Variants in DYNC2I2 observed in about 807,000 individuals in gnomAD.
The protein encoded by DYNC2I2 is cytoplasmic dynein 2 intermediate chain 2.
In DYNC2I2, 39 loss-of-function variants were observed where a neutral mutation model predicts 52.0. That is an observed-to-expected ratio of 0.75 (90% CI 0.58 to 0.98). DYNC2I2 has a LOEUF of 0.98. Ranked by LOEUF, DYNC2I2 falls within the 50% of genes least tolerant of loss-of-function variation. The pLI is 0.00. For synonymous variants in DYNC2I2, 359 were observed against 321.1 expected (o/e 1.12, Z -1.26); for missense variants, 743 against 728.4 (o/e 1.02, Z -0.23).
At chr9:128,642,243 T>C (rs1274610661) in intron 1 of DYNC2I2, among the ~76,000 whole-genome samples, 7 of 140,254 alleles carry the variant, frequency 5.0e-5, no homozygotes, top group Admixed American at 3.1e-4. Context: ...GCCAAGATCG[T>C]GCCACTACAC....
the DYNC2I2 span, among the ~76,000 whole-genome samples, chr9:128,680,991 T>C: frequency 6.6e-6 from 1 of 151,954 alleles, no homozygotes; most frequent in African/African-American, 2.4e-5. Context: ...TTGTACTTTA[T>C]ACAAAAGAAA....
chr9:128,635,170 G>C lies in DYNC2I2; in HGVS notation c.903C>G (p.Ile301Met), dbSNP rs369977994. 3.1e-5 allele frequency: 50 copies of C among 1,613,376 alleles called. No homozygotes were observed. The highest frequency in any genetic ancestry group is 4.2e-5 in the Non-Finnish European group (50 of 1,180,004). The part of the protein sequence containing the change: ...TDGKVLLWQG[I>M]GVGQLQLTEG... ...CTGTGAGCTGCAGCTGGCCTACCCC[G>C]ATGCCCTGCCAGAGTAGCACCTTCC... Residue 301 changes from isoleucine (I) to methionine (M), a missense_variant, in exon 6 of 9, where the codon ATC (isoleucine) becomes ATG (methionine). Physicochemically the swap from Ile to Met is conservative, Grantham distance 10. Coordinates refer to ENST00000372715, the MANE Select transcript of DYNC2I2 (RefSeq NM_052844.4).
the DYNC2I2 span, among the ~76,000 whole-genome samples, chr9:128,681,480 A>G: frequency 6.6e-6 from 1 of 152,076 alleles, no homozygotes; most frequent in South Asian, 2.1e-4. Context: ...CATTGTTTCC[A>G]GTTTGTCTAT....
chr9:128,646,802 G>A (rs1415083851), intron 1 of DYNC2I2, among the ~76,000 whole-genome samples: 1 of 152,068 alleles, frequency 6.6e-6, no homozygotes, highest in Non-Finnish European at 1.5e-5. Context: ...AGGCAACATG[G>A]GGAAACCCAG....
chr9:128,672,752 G>C, the DYNC2I2 span, among the ~76,000 whole-genome samples: 1 of 152,204 alleles, frequency 6.6e-6, no homozygotes, highest in Non-Finnish European at 1.5e-5. Context: ...TATTGGCCGG[G>C]CGCGGTGGCT....
upstream of DYNC2I2, among the ~76,000 whole-genome samples, chr9:128,656,950 G>GT (rs1860842438): frequency 6.6e-6 from 1 of 152,240 alleles, no homozygotes; most frequent in Non-Finnish European, 1.5e-5. Context: ...CACTCTAAGA[G>GT]TAGGCGCGCT....
rs1456915078 is a variant in DYNC2I2 at position 128,635,773 on chromosome 9, G to A, written c.704-6C>T. ...CTCACCACTGTACAGCCCTCCTGCA[G>A]GGACAGTGGACCTGGGCAGAGGCTC... is the stretch of plus-strand genomic sequence containing the variant. On this transcript the variant is annotated splice_polypyrimidine_tract_variant and splice_region_variant and intron_variant, in intron 4 of 8. Coordinates refer to ENST00000372715, the MANE Select transcript of DYNC2I2 (RefSeq NM_052844.4). The A allele has an allele frequency of 6.2e-7, 1 of 1,608,380 alleles. No individual in the cohort carries two copies. Among genetic ancestry groups the A allele is most frequent in the East Asian group, 2.2e-5 (1 of 44,702 alleles).
In DYNC2I2 at chr9:128,640,747, A is replaced by G; in HGVS notation, c.379T>C (p.Trp127Arg). The change falls in exon 2 of 9, where the codon TGG becomes CGG. Residue 127 changes from tryptophan to arginine, a missense_variant. Transcript: ENST00000372715. ...AAGCCATCAAACGCGTGGCTCTGCC[A>G]ATTCTTGTTCAGCTCTCGGATGACC... ...AMVIRELNKN[W>R]QSHAFDGFEV... 2 of 1,614,154 alleles carry G rather than the reference A, an allele frequency of 1.2e-6. No individual in the cohort carries two copies. The highest frequency in any genetic ancestry group is 1.7e-6 in the Non-Finnish European group (2 of 1,180,018).
the DYNC2I2 span, among the ~76,000 whole-genome samples, chr9:128,671,323 A>G: frequency 6.9e-6 from 1 of 144,532 alleles, no homozygotes; most frequent in South Asian, 2.3e-4. Context: ...TTTTTTTGAG[A>G]TGGAGTCTTG....
rs1404451188 is a variant in DYNC2I2, at chr9:128,655,607, C to CA, written c.186+933dup. On this transcript the variant is annotated intron_variant, in intron 1 of 8. Transcript: ENST00000372715. ...TGGGCGACAGAGTGAGACTCTGTCTCAAAAAAAAGAAAAAAAAGAAGGCCG... is the reference window on the plus strand; with the variant it reads ...TGGGCGACAGAGTGAGACTCTGTCTCAAAAAAAAAGAAAAAAAAGAAGGCCG... Among the ~76,000 whole-genome samples the CA allele has an allele frequency of 7.1e-4, 86 of 120,612 alleles. 2 individuals carry two copies. Among genetic ancestry groups the CA allele is most frequent in the African/African-American group, 2.4e-3 (74 of 31,206 alleles). 79.1% of individuals were successfully genotyped at this position (120,612 alleles called of 152,430 possible).
chr9:128,635,457 CG>C (rs1860381162), intron 5 of DYNC2I2, 198 bp from the exon 6 acceptor site: 1 of 801,794 alleles, frequency 1.2e-6, no homozygotes, highest in Non-Finnish European at 1.9e-6. Context: ...GCTGCTCACT[CG>C]GTGCCTGCAG....
the DYNC2I2 span, among the ~76,000 whole-genome samples, chr9:128,680,438 C>T: frequency 3.3e-5 from 5 of 151,746 alleles, no homozygotes; most frequent in East Asian, 3.9e-4. Context: ...AGTGCAGTGG[C>T]GCGATCTCGG....
At chr9:128,648,551 C>T (rs1055160693) in intron 1 of DYNC2I2, among the ~76,000 whole-genome samples, 182 of 149,346 alleles carry the variant, frequency 1.2e-3, no homozygotes, top group African/African-American at 4.2e-3. Flanking sequence ...TTTGGGAGGC[C>T]GAGGCAGGCA....
intron 7 of DYNC2I2, 150 bp downstream of exon 7, chr9:128,634,539 G>A (rs1467778952): frequency 3.1e-6 from 4 of 1,274,320 alleles, no homozygotes; most frequent in African/African-American, 3.0e-5. Flanking sequence ...AAGGGACGAT[G>A]CCTGGGCCAA....
At chr9:128,653,658 G>C (rs1306639846) in intron 1 of DYNC2I2, among the ~76,000 whole-genome samples, 1 of 151,100 alleles carries the variant, frequency 6.6e-6, no homozygotes, top group African/African-American at 2.5e-5. Flanking sequence ...GGAAGTTGCA[G>C]TGAGCTGAGA....
chr9:128,634,045 G>A, intron 8 of DYNC2I2, 63 bp from the exon 9 acceptor site: 4 of 1,585,344 alleles, frequency 2.5e-6, no homozygotes, highest in East Asian at 2.2e-5. Context: ...ATGGCAGGAG[G>A]AGGCTAATGC....
At chr9:128,677,093 C>A in the DYNC2I2 span, among the ~76,000 whole-genome samples, 1 of 151,982 alleles carries the variant, frequency 6.6e-6, no homozygotes, top group Admixed American at 6.6e-5. Flanking sequence ...CGTGATCCAC[C>A]TGCCTCAGCC....
chr9:128,635,975 C>A lies in DYNC2I2; in HGVS notation c.704-208G>T, dbSNP rs114620319. ...AGCTTTGCCGGACACCCCTGCCCTG[C>A]ACCTGGCAGCTCCCTCCAGCGTTGC... On this transcript the variant is annotated intron_variant, in intron 4 of 8. Transcript: ENST00000372715. The A allele has an allele frequency of 9.0e-6, 6 of 669,300 alleles. No individual in the cohort carries two copies. In the Admixed American group the frequency reaches 1.0e-4, roughly 11 times the overall value. The allele number at this position is 669,300 out of a possible 1,614,324, so 41.5% of individuals were successfully genotyped here. A position where few individuals can be genotyped will look rare whatever the true frequency, so the allele number is the denominator to read the frequency against.
At chr9:128,634,011 A>G in intron 8 of DYNC2I2, 29 bp from the exon 9 acceptor site, 1 of 1,611,442 alleles carries the variant, frequency 6.2e-7, no homozygotes, top group Non-Finnish European at 8.5e-7. Context: ...ACGTGGAGTA[A>G]GAGAAACTCT....
Sources: allele counts gnomAD v4.1 joint callset (sites outside exome capture counted in the v4.1 genomes callset), GRCh38; gene constraint gnomAD v4.1.1; transcripts MANE v1.5; gene names NCBI Gene and HGNC (gene_info 2026-07-23, HGNC 2026-07-21).